EDC3: variants seen among roughly 807,000 people sequenced by gnomAD.
EDC3 encodes the protein enhancer of mRNA decapping 3, also known as enhancer of mRNA-decapping protein 3.
Under a neutral mutation model 41.8 loss-of-function variants are expected in EDC3, and 20 were observed. The ratio of observed to expected loss-of-function variants is 0.48; its 90% CI spans 0.34 to 0.70. The LOEUF (loss-of-function observed/expected upper bound fraction) is 0.70, where lower values mean the gene tolerates loss of function less well. Among genes scored for constraint, EDC3 ranks in the 30% least tolerant of loss-of-function variants. The pLI is 0.01. For synonymous variants in EDC3, 206 were observed against 243.2 expected (o/e 0.85, Z 1.42); for missense variants, 444 against 636.8 (o/e 0.70, Z 3.26).
intron 6 of EDC3, among the ~76,000 whole-genome samples, chr15:74,633,406 G>A (rs563651991): frequency 6.6e-6 from 1 of 152,364 alleles, no homozygotes; most frequent in African/African-American, 2.4e-5. Context: ...GCTGACCCAA[G>A]AAGGGTGAGC....
intron 1 of EDC3, among the ~76,000 whole-genome samples, chr15:74,690,603 C>T (rs1397446468): frequency 6.6e-6 from 1 of 152,172 alleles, no homozygotes; most frequent in African/African-American, 2.4e-5. Context: ...TTCCACACAA[C>T]AGGAAAGGTG....
intron 3 of EDC3, 144 bp from the exon 4 acceptor site, chr15:74,656,212 G>T: frequency 2.6e-6 from 2 of 768,542 alleles, no homozygotes; most frequent in Non-Finnish European, 2.1e-6. Flanking sequence ...ATATTAAGTA[G>T]CACAAACAAC....
chr15:74,690,616 T>C (rs995136695), intron 1 of EDC3, among the ~76,000 whole-genome samples: 2 of 152,194 alleles, frequency 1.3e-5, no homozygotes, highest in Non-Finnish European at 2.9e-5. Context: ...GAAAGGTGTT[T>C]GTTTAATCAA....
chr15:74,635,667 G>T, intron 5 of EDC3, 41 bp from the exon 6 acceptor site: 1 of 1,574,258 alleles, frequency 6.4e-7, no homozygotes, highest in East Asian at 2.2e-5. Flanking sequence ...CTACATACTT[G>T]CCAATCCCTT....
intron 1 of EDC3, among the ~76,000 whole-genome samples, chr15:74,686,010 T>C (rs1249031950): frequency 6.6e-6 from 1 of 151,440 alleles, no homozygotes; most frequent in Admixed American, 6.6e-5. Context: ...CTGACCAACA[T>C]GATGAAACCC....
intron 6 of EDC3, among the ~76,000 whole-genome samples, chr15:74,634,412 A>G (rs2062246582): frequency 6.6e-6 from 1 of 152,180 alleles, no homozygotes; most frequent in African/African-American, 2.4e-5. Flanking sequence ...ATGTGACAGC[A>G]TATCCAGGCT....
chr15:74,641,407 C>CT (rs1326172087), intron 4 of EDC3: 1 of 152,618 alleles, frequency 6.6e-6, no homozygotes, highest in African/African-American at 2.4e-5. Context: ...AAGCCAACAT[C>CT]TACAGCAGCT....
At chr15:74,666,690 A>G (rs1490426147) in intron 3 of EDC3, among the ~76,000 whole-genome samples, 1 of 152,190 alleles carries the variant, frequency 6.6e-6, no homozygotes, top group Non-Finnish European at 1.5e-5. Context: ...TGCCAGGGGG[A>G]AGTGGGGGAA....
At chr15:74,685,974 CAT>C (rs1443518732) in intron 1 of EDC3, among the ~76,000 whole-genome samples, 5 of 152,146 alleles carry the variant, frequency 3.3e-5, no homozygotes, top group Non-Finnish European at 5.9e-5. Flanking sequence ...AGGTGGATCA[CAT>C]GAGGTCAGGA....
chr15:74,679,932 T>C (rs1171289576), intron 1 of EDC3: 1 of 137,512 alleles, frequency 7.3e-6, no homozygotes, highest in Non-Finnish European at 1.6e-5. Context: ...ATCTCTAAAA[T>C]AAAAGTAAAA....
At chr15:74,686,868 C>T (rs1225709130) in intron 1 of EDC3, among the ~76,000 whole-genome samples, 1 of 152,048 alleles carries the variant, frequency 6.6e-6, no homozygotes, top group Non-Finnish European at 1.5e-5. Flanking sequence ...CCTATAATCC[C>T]AGCACTTTGG....
chr15:74,635,184 G>A (rs1257109721), intron 6 of EDC3: 1 of 693,444 alleles, frequency 1.4e-6, no homozygotes, highest in African/African-American at 1.7e-5. Flanking sequence ...ACGAATATTT[G>A]TGGAATGGAC....
chr15:74,691,080 T>A (rs1400736978), intron 1 of EDC3, among the ~76,000 whole-genome samples: 1 of 149,744 alleles, frequency 6.7e-6, no homozygotes, highest in Non-Finnish European at 1.5e-5. Flanking sequence ...GAGGTTGCAG[T>A]GAGCCAAGAT....
chr15:74,656,137 T>C, intron 3 of EDC3, 69 bp from the exon 4 acceptor site: 1 of 1,398,198 alleles, frequency 7.2e-7, no homozygotes, highest in South Asian at 1.3e-5. Context: ...GAAAATACAT[T>C]AGTCTTTTGT....
intron 2 of EDC3, among the ~76,000 whole-genome samples, chr15:74,673,050 G>A (rs1375744741): frequency 2.0e-5 from 3 of 152,072 alleles, no homozygotes; most frequent in Non-Finnish European, 4.4e-5. Context: ...GCCCACGTGA[G>A]GAACTGCAAG....
chr15:74,679,782 A>AC (rs1166906615), intron 1 of EDC3: 2 of 146,054 alleles, frequency 1.4e-5, no homozygotes, highest in Admixed American at 6.8e-5. Flanking sequence ...AAAAAAAAAA[A>AC]CAGGTGTAGT....
At chr15:74,690,764 T>C (rs989079785) in intron 1 of EDC3, among the ~76,000 whole-genome samples, 4 of 152,070 alleles carry the variant, frequency 2.6e-5, no homozygotes, top group South Asian at 2.1e-4. Flanking sequence ...CTGGACAACA[T>C]AGCAAGACTG....
At position 74,661,750 on chromosome 15, in the gene EDC3, G is replaced by A. The variant is rs796391598; in HGVS notation, c.485-5682C>T. Reference sequence around the variant, plus strand: ...TGTCTCAAAAAAAAAAAAAGAAAAAGAAAAAGAAAAAGAAAAAATGTACAC... The same window carrying A: ...TGTCTCAAAAAAAAAAAAAGAAAAAAAAAAAGAAAAAGAAAAAATGTACAC... On this transcript the variant is annotated intron_variant, in intron 3 of 6. Coordinates refer to ENST00000315127, the MANE Select transcript of EDC3 (RefSeq NM_025083.5). Among the ~76,000 whole-genome samples the A allele has an allele frequency of 1.5e-3, 208 of 139,584 alleles. 1 individual carries two copies. The highest frequency in any genetic ancestry group is 0.011 in the Middle Eastern group (3 of 274). 91.6% of individuals were successfully genotyped at this position (139,584 alleles called of 152,430 possible).
chr15:74,694,370 A>G (rs541334793), intron 1 of EDC3, among the ~76,000 whole-genome samples: 16 of 151,992 alleles, frequency 1.1e-4, no homozygotes, highest in African/African-American at 1.9e-4. Flanking sequence ...GTGCAGTAGC[A>G]TATCTTGGCT....
Sources: allele counts gnomAD v4.1 joint callset (sites outside exome capture counted in the v4.1 genomes callset), GRCh38; gene constraint gnomAD v4.1.1; transcripts MANE v1.5; gene names NCBI Gene and HGNC (gene_info 2026-07-23, HGNC 2026-07-21).